C3orf70: variants seen among roughly 807,000 people sequenced by gnomAD.
C3orf70 encodes the protein UPF0524 protein C3orf70.
C3orf70 carries 15 observed loss-of-function variants against 20.7 expected under a neutral mutation model. The observed-to-expected ratio is 0.72, with a 90% confidence interval of 0.48 to 1.11. The LOEUF is 1.11. Among genes scored for constraint, C3orf70 ranks in the 50% most tolerant of loss-of-function variants. The pLI is 0.00. For missense variants in C3orf70, 332 were observed against 317.6 expected, an observed-to-expected ratio of 1.05 and a Z score of -0.34; for synonymous variants, 161 against 125.7, an observed-to-expected ratio of 1.28 and a Z score of -1.88.
rs189754789 is a variant in C3orf70 at position 185,080,110 on chromosome 3, A to C, written c.*2897T>G. On this transcript the variant is annotated 3_prime_UTR_variant, in exon 2 of 2. Transcript: ENST00000335012. ...TGTTATCAACAGTGCTAGGACAAAA[A>C]TAAATCTTGTGCTTATTTAGAAAAG... 1 of 152,798 alleles carries C rather than the reference A, an allele frequency of 6.5e-6. No homozygotes were observed. Among genetic ancestry groups the C allele is most frequent in the African/African-American group, 2.4e-5 (1 of 41,590 alleles). The allele number at this position is 152,798 out of a possible 1,614,324, so 9.5% of individuals were successfully genotyped here. A position where few individuals can be genotyped will look rare whatever the true frequency, so the allele number is the denominator to read the frequency against.
In C3orf70 at chr3:185,080,716, C is replaced by G. The variant is rs1715317724; in HGVS notation, c.*2291G>C. The G allele has an allele frequency of 6.6e-6, 1 of 152,132 alleles. No individual in the cohort carries two copies. The highest frequency in any genetic ancestry group is 2.4e-5 in the African/African-American group (1 of 41,420). 9.4% of individuals were successfully genotyped at this position (152,132 alleles called of 1,614,324 possible). ...TGAGCCACTCATGCACGGGAGGCAC[C>G]GAGAACCTCGGGCAGGGTTCATCAG... On this transcript the variant is annotated 3_prime_UTR_variant, in exon 2 of 2. Coordinates refer to ENST00000335012, the MANE Select transcript of C3orf70 (RefSeq NM_001025266.3).
chr3:185,116,555 AG>A (rs1166100383), intron 1 of C3orf70, among the ~76,000 whole-genome samples: 1 of 152,220 alleles, frequency 6.6e-6, no homozygotes, highest in African/African-American at 2.4e-5. Flanking sequence ...ACTAGAAATG[AG>A]TAGGCAACTC....
intron 1 of C3orf70, among the ~76,000 whole-genome samples, chr3:185,130,167 T>C (rs1045816733): frequency 5.9e-5 from 9 of 152,186 alleles, no homozygotes; most frequent in African/African-American, 1.9e-4. Flanking sequence ...AATAAATATA[T>C]TGGCCGGATG....
At chr3:185,134,503 TCTC>T (rs1184073127) in intron 1 of C3orf70, among the ~76,000 whole-genome samples, 1 of 152,130 alleles carries the variant, frequency 6.6e-6, no homozygotes, top group African/African-American at 2.4e-5. Flanking sequence ...TGTATCTTTT[TCTC>T]CTCCTATTTG....
At chr3:185,145,263 C>T (rs1238377364) in intron 1 of C3orf70, among the ~76,000 whole-genome samples, 1 of 152,150 alleles carries the variant, frequency 6.6e-6, no homozygotes, top group Admixed American at 6.5e-5. Context: ...TATAGAAAGG[C>T]CCTCAAAAGC....
rs549028143 is a variant in C3orf70, at chr3:185,090,618, ATTATGT to A, written c.197-7061_197-7056del. On this transcript the variant is annotated intron_variant, in intron 1 of 1. Coordinates refer to ENST00000335012, the MANE Select transcript of C3orf70 (RefSeq NM_001025266.3). ...CTTTGACTTTATATTTTGAATTATA[ATTATGT>A]TTATTTTATTCCCAAGGGCATTCAT... Among the ~76,000 whole-genome samples the A allele has an allele frequency of 1.1e-3, 171 of 152,330 alleles. 2 individuals carry two copies. Among genetic ancestry groups the A allele is most frequent in the African/African-American group, 4.0e-3 (166 of 41,580 alleles).
rs1226413184 is a variant in C3orf70 at position 185,153,024 on chromosome 3, A to AGCCT, written c.-205_-202dup. 4.8e-6 allele frequency: 1 copy of AGCCT among 209,688 alleles called. No homozygotes were observed. Among genetic ancestry groups the AGCCT allele is most frequent in the Non-Finnish European group, 9.0e-6 (1 of 110,616 alleles). 13.0% of individuals were successfully genotyped at this position (209,688 alleles called of 1,614,324 possible). The stretch of plus-strand genomic sequence containing the variant: ...GCGCTGCGACCGGGTCCGGGCTGGC[A>AGCCT]GCCTCCCTCCCTCCGGCGCGGCGCG... On this transcript the variant is annotated 5_prime_UTR_variant, in exon 1 of 2. Coordinates refer to ENST00000335012, the MANE Select transcript of C3orf70 (RefSeq NM_001025266.3). This position sits in a 1 kb window ranked among gnomAD's most constrained non-coding sequence, Gnocchi z 6.8.
In C3orf70 at chr3:185,077,515, A is replaced by G. The variant is rs1313834171; in HGVS notation, c.*5492T>C. On this transcript the variant is annotated 3_prime_UTR_variant, in exon 2 of 2. Transcript: ENST00000335012. The stretch of plus-strand genomic sequence containing the variant: ...TATAATTAATATTAACAAGGATTTT[A>G]TTACTGATAATGACTTTATTTAGCA... Among the ~76,000 whole-genome samples the G allele has an allele frequency of 6.6e-6, 1 of 152,144 alleles. No individual in the cohort carries two copies. Among genetic ancestry groups the G allele is most frequent in the Non-Finnish European group, 1.5e-5 (1 of 68,028 alleles).
At chr3:185,095,800 G>A (rs1715688543) in intron 1 of C3orf70, among the ~76,000 whole-genome samples, 1 of 144,602 alleles carries the variant, frequency 6.9e-6, no homozygotes, top group Non-Finnish European at 1.5e-5. Flanking sequence ...GCAGTGGCAC[G>A]ATCTCGGCTC....
rs1227939496 is a variant in C3orf70, at chr3:185,081,176, G to A, written c.*1831C>T. 1 of 152,076 alleles carries A rather than the reference G, an allele frequency of 6.6e-6. No individual in the cohort carries two copies. The highest frequency in any genetic ancestry group is 2.4e-5 in the African/African-American group (1 of 41,376). 9.4% of individuals were successfully genotyped at this position (152,076 alleles called of 1,614,324 possible). A position where few individuals can be genotyped will look rare whatever the true frequency, so the allele number is the denominator to read the frequency against. ...CTCATGCTTGTAATCCCAGCACTTG[G>A]GGAGGCCGAGGTGGGTGGATCACAA... is the stretch of plus-strand genomic sequence containing the variant. On this transcript the variant is annotated 3_prime_UTR_variant, in exon 2 of 2. Transcript: ENST00000335012.
intron 1 of C3orf70, 111 bp from the exon 2 acceptor site, chr3:185,083,674 A>G: frequency 1.2e-6 from 1 of 818,154 alleles, no homozygotes; most frequent in Non-Finnish European, 1.8e-6. Context: ...GTAACACCTC[A>G]AAAGAAACTA....
At chr3:185,131,671 C>A (rs1716526966) in intron 1 of C3orf70, among the ~76,000 whole-genome samples, 1 of 151,910 alleles carries the variant, frequency 6.6e-6, no homozygotes, top group Non-Finnish European at 1.5e-5. Context: ...GATGAACTGA[C>A]AAAAATAAGG....
intron 1 of C3orf70, among the ~76,000 whole-genome samples, chr3:185,140,550 T>A (rs187038131): frequency 3.9e-5 from 6 of 152,010 alleles, no homozygotes; most frequent in African/African-American, 1.4e-4. Flanking sequence ...AATTCATACG[T>A]TGAAATCCTA....
rs550986053 is a variant in C3orf70 at position 185,149,428 on chromosome 3, G to A, written c.196+3200C>T. Among the ~76,000 whole-genome samples the A allele has an allele frequency of 2.4e-4, 36 of 150,366 alleles. 2 individuals carry two copies. The South Asian group carries it at 6.8e-3, about 28-fold the overall frequency. On this transcript the variant is annotated intron_variant, in intron 1 of 1. Coordinates refer to ENST00000335012, the MANE Select transcript of C3orf70 (RefSeq NM_001025266.3). The stretch of plus-strand genomic sequence containing the variant: ...AAAAAAAAAACAGTAAATACAGTAT[G>A]ATTGTGTCCTTAGACTCTGCATATA...
intron 1 of C3orf70, among the ~76,000 whole-genome samples, chr3:185,096,438 A>G (rs1715706254): frequency 1.3e-5 from 2 of 152,194 alleles, no homozygotes; most frequent in Admixed American, 6.5e-5. Flanking sequence ...TAAGCATTAA[A>G]CAGTAAAGAG....
chr3:185,091,959 AT>A (rs1715597950), intron 1 of C3orf70, among the ~76,000 whole-genome samples: 1 of 7,040 alleles, frequency 1.4e-4, no homozygotes, highest in Non-Finnish European at 2.4e-4. Flanking sequence ...ATATATATAT[AT>A]ATATTTTTTT....
rs1176862666 is a variant in C3orf70 at position 185,079,866 on chromosome 3, C to T, written c.*3141G>A. 6.5e-6 allele frequency: 1 copy of T among 152,676 alleles called. No homozygotes were observed. Among genetic ancestry groups the T allele is most frequent in the Non-Finnish European group, 1.5e-5 (1 of 68,042 alleles). 9.5% of individuals were successfully genotyped at this position (152,676 alleles called of 1,614,324 possible). A position where few individuals can be genotyped will look rare whatever the true frequency, so the allele number is the denominator to read the frequency against. Reference sequence around the variant, plus strand: ...GTCAGTGTGCAAGTGTTAACCACTTCATGTGACTGAGTTCAATGTTATAGT... The same window carrying T: ...GTCAGTGTGCAAGTGTTAACCACTTTATGTGACTGAGTTCAATGTTATAGT... On this transcript the variant is annotated 3_prime_UTR_variant, in exon 2 of 2. Coordinates refer to ENST00000335012, the MANE Select transcript of C3orf70 (RefSeq NM_001025266.3).
At position 185,109,344 on chromosome 3, in the gene C3orf70, G is replaced by A. The variant is rs548584608; in HGVS notation, c.197-25781C>T. ...AACTTGGGGTAGAGGTTATGCTTGC[G>A]TTTCTCCAGGTCAAAATCAACAGCT... On this transcript the variant is annotated intron_variant, in intron 1 of 1. Transcript: ENST00000335012. 4.6e-5 allele frequency among the ~76,000 whole-genome samples: 7 copies of A among 152,288 alleles called. No homozygotes were observed. The South Asian group carries it at 6.2e-4, about 14-fold the overall frequency.
chr3:185,091,481 T>C (rs1463351402), intron 1 of C3orf70, among the ~76,000 whole-genome samples: 1 of 152,064 alleles, frequency 6.6e-6, no homozygotes, highest in Non-Finnish European at 1.5e-5. Flanking sequence ...TGTGGTCTGG[T>C]AAATGTGTGC....
Sources: gnomAD v4.1 joint callset for allele counts (sites outside exome capture counted in the v4.1 genomes callset) on GRCh38, gnomAD v4.1.1 for gene constraint, Gnocchi (gnomAD v3.1) non-coding constraint, MANE v1.5 for transcripts, NCBI Gene and HGNC (gene_info 2026-07-23, HGNC 2026-07-21) for gene names.